The following KCNQ5 variants were observed in gnomAD, a reference collection of about 807,000 sequenced individuals.
KCNQ5 encodes the protein potassium voltage-gated channel subfamily KQT member 5.
KCNQ5 carries 30 observed loss-of-function variants against 98.2 expected under a neutral mutation model. The observed-to-expected ratio is 0.31, with a 90% CI of 0.23 to 0.41. KCNQ5 has a LOEUF of 0.41. Among genes scored for constraint, KCNQ5 ranks in the 10% least tolerant of loss-of-function variants. The pLI is 1.00. For missense variants in KCNQ5, 835 were observed against 1,182.5 expected, an observed-to-expected ratio of 0.71 and a Z score of 4.31; for synonymous variants, 458 against 449.4, an observed-to-expected ratio of 1.02 and a Z score of -0.24.
intron 1 of KCNQ5, among the ~76,000 whole-genome samples, chr6:72,684,382 G>C (rs761016073): frequency 8.5e-5 from 13 of 152,182 alleles, no homozygotes; most frequent in Non-Finnish European, 1.9e-4. Flanking sequence ...ACAAAGTATT[G>C]TGGTTTCTTC....
chr6:73,104,979 C>G (rs1188598212), intron 5 of KCNQ5, among the ~76,000 whole-genome samples: 2 of 152,200 alleles, frequency 1.3e-5, no homozygotes, highest in Non-Finnish European at 2.9e-5. Context: ...TTCTGTATCA[C>G]TGATGGTTAT....
chr6:73,093,224 T>C (rs539982366), intron 5 of KCNQ5, among the ~76,000 whole-genome samples: 1 of 152,328 alleles, frequency 6.6e-6, no homozygotes, highest in Non-Finnish European at 1.5e-5. Context: ...GAATGATCTT[T>C]TGTATTTCTG....
Position 73,126,560 on chromosome 6 carries a change from C to T in KCNQ5, c.1247+2048C>T, listed in dbSNP as rs374487919. Among the ~76,000 whole-genome samples the T allele has an allele frequency of 3.9e-5, 6 of 152,276 alleles. No individual in the cohort carries two copies. In the East Asian group the frequency reaches 5.8e-4, roughly 15 times the overall value. ...CATTTATGATGTTCGCATATATCTA[C>T]GACATTTACCTCTCTGCATGCAGCA... On this transcript the variant is annotated intron_variant, in intron 9 of 13. Transcript: ENST00000370398.
chr6:72,722,007 T>C (rs1165652527), intron 1 of KCNQ5, among the ~76,000 whole-genome samples: 1 of 152,060 alleles, frequency 6.6e-6, no homozygotes, highest in East Asian at 1.9e-4. Flanking sequence ...CCAAGTGTCA[T>C]CAAAAGGGAC....
chr6:73,194,566 T>G lies in KCNQ5; in HGVS notation c.1951T>G (p.Cys651Gly). 1 of 1,614,210 alleles carries G rather than the reference T, an allele frequency of 6.2e-7. No individual in the cohort carries two copies. ...LASFQIPPFE[C>G]EQTSDYQSPV... The stretch of plus-strand genomic sequence containing the variant: ...TTCATTCCAGATCCCACCTTTTGAA[T>G]GTGAACAGACATCTGACTATCAAAG... Residue 651 changes from cysteine (C) to glycine (G), a missense_variant, in exon 14 of 14, where the codon TGT becomes GGT. By Grantham distance (159) the Cys-to-Gly change is radical. This residue lies in a region of KCNQ5 where 416 missense variants were observed against 446.9 expected (regional missense o/e 0.93). Coordinates refer to ENST00000370398, the MANE Select transcript of KCNQ5 (RefSeq NM_019842.4).
chr6:72,636,937 G>A (rs2098924465), intron 1 of KCNQ5, among the ~76,000 whole-genome samples: 1 of 152,192 alleles, frequency 6.6e-6, no homozygotes, highest in African/African-American at 2.4e-5. Context: ...ACTGCTGATT[G>A]CCAGTTCTCT....
chr6:72,668,028 T>C (rs1766914392), intron 1 of KCNQ5, among the ~76,000 whole-genome samples: 1 of 152,166 alleles, frequency 6.6e-6, no homozygotes, highest in African/African-American at 2.4e-5. Flanking sequence ...GAAAAAACCT[T>C]GAAATTCAAA....
At chr6:73,027,877 G>A (rs1231318583) in intron 2 of KCNQ5, among the ~76,000 whole-genome samples, 3 of 152,190 alleles carry the variant, frequency 2.0e-5, no homozygotes, top group Non-Finnish European at 2.9e-5. Flanking sequence ...ATGCAAACAA[G>A]CAGGGTAATA....
chr6:73,051,267 C>A (rs946765295), intron 3 of KCNQ5, among the ~76,000 whole-genome samples: 2 of 152,188 alleles, frequency 1.3e-5, no homozygotes, highest in African/African-American at 4.8e-5. Flanking sequence ...CACTAGCCTG[C>A]CCCTGCACTG....
chr6:72,790,413 C>T (rs1056032607), intron 1 of KCNQ5, among the ~76,000 whole-genome samples: 1 of 152,110 alleles, frequency 6.6e-6, no homozygotes, highest in African/African-American at 2.4e-5. Context: ...AGACAAACTT[C>T]GCATGTTCTC....
chr6:72,986,366 G>C (rs1287812129), intron 1 of KCNQ5: 11 of 404,792 alleles, frequency 2.7e-5, no homozygotes, highest in Non-Finnish European at 4.9e-5. Flanking sequence ...TGATCACCAA[G>C]AAACACAAAG....
chr6:72,637,864 A>C (rs1047919974), intron 1 of KCNQ5, among the ~76,000 whole-genome samples: 2 of 152,236 alleles, frequency 1.3e-5, no homozygotes, highest in Non-Finnish European at 2.9e-5. Context: ...AAGAAATTAC[A>C]GTTTGTTTTG....
chr6:73,185,999 T>C (rs117490498), intron 11 of KCNQ5, among the ~76,000 whole-genome samples: 4,723 of 152,280 alleles, frequency 0.031, 110 homozygotes, highest in East Asian at 0.11. Flanking sequence ...CCAAGGCAGA[T>C]GGATCACTTG....
intron 12 of KCNQ5, among the ~76,000 whole-genome samples, chr6:73,192,155 G>A (rs1562228119): frequency 6.6e-6 from 1 of 152,140 alleles, no homozygotes; most frequent in African/African-American, 2.4e-5. Context: ...AAAAGACCAT[G>A]GCTTTCTTAT....
chr6:73,072,446 T>C (rs945745670), intron 3 of KCNQ5, among the ~76,000 whole-genome samples: 5 of 152,218 alleles, frequency 3.3e-5, no homozygotes, highest in South Asian at 2.1e-4. Flanking sequence ...AGATGTACAA[T>C]TGGCCTTGCT....
intron 5 of KCNQ5, 33 bp from the exon 6 acceptor site, chr6:73,105,224 T>G: frequency 3.0e-6 from 4 of 1,311,798 alleles, no homozygotes; most frequent in Non-Finnish European, 4.3e-6. Context: ...TCTCAAGTAC[T>G]TAAGCTGCAC....
chr6:72,717,043 T>C (rs1428817114), intron 1 of KCNQ5, among the ~76,000 whole-genome samples: 1 of 152,204 alleles, frequency 6.6e-6, no homozygotes, highest in Non-Finnish European at 1.5e-5. Context: ...TGAAATTCAT[T>C]TGTGAGCATG....
intron 2 of KCNQ5, among the ~76,000 whole-genome samples, chr6:73,023,697 G>T (rs563907609): frequency 6.6e-6 from 1 of 152,300 alleles, no homozygotes; most frequent in Admixed American, 6.5e-5. Flanking sequence ...CATTTAACTT[G>T]TTAGAGTATT....
At chr6:73,112,568 A>G (rs1334132963) in intron 7 of KCNQ5, among the ~76,000 whole-genome samples, 1 of 152,154 alleles carries the variant, frequency 6.6e-6, no homozygotes, top group Non-Finnish European at 1.5e-5. Flanking sequence ...GATGGTCTCC[A>G]TCTCTCAACC....
Sources: allele counts gnomAD v4.1 joint callset (sites outside exome capture counted in the v4.1 genomes callset), GRCh38; gene constraint gnomAD v4.1.1; regional missense constraint gnomAD v4.1.1; transcripts MANE v1.5; gene names NCBI Gene and HGNC (gene_info 2026-07-23, HGNC 2026-07-21).